Variants in HIP1 observed in about 807,000 individuals in gnomAD.
HIP1 encodes huntingtin interacting protein 1.
HIP1 carries 65 observed loss-of-function variants against 147.6 expected under a neutral mutation model. That is an observed-to-expected ratio of 0.44 (90% confidence interval 0.36 to 0.54). The LOEUF (loss-of-function observed/expected upper bound fraction) is 0.54, where lower values mean the gene tolerates loss of function less well. HIP1 is among the 20% of genes least tolerant of loss of function. The pLI is 0.00. For missense variants in HIP1, 1,061 were observed against 1,299.6 expected, an observed-to-expected ratio of 0.82 and a Z score of 2.82; for synonymous variants, 479 against 504.0, an observed-to-expected ratio of 0.95 and a Z score of 0.67.
chr7:75,574,341 C>G (rs1554497268), intron 7 of HIP1, among the ~76,000 whole-genome samples: 2 of 151,806 alleles, frequency 1.3e-5, no homozygotes, highest in Non-Finnish European at 1.5e-5. Context: ...GTAATCCCAG[C>G]ACTTTAGGAG....
At chr7:75,600,713 G>A (rs1156313222) in intron 1 of HIP1, among the ~76,000 whole-genome samples, 2 of 151,804 alleles carry the variant, frequency 1.3e-5, no homozygotes, top group Non-Finnish European at 2.9e-5. Context: ...TGTATCTCCC[G>A]GAAAATTCTG....
intron 25 of HIP1, 60 bp downstream of exon 25, chr7:75,546,879 G>T: frequency 2.5e-6 from 3 of 1,178,966 alleles, no homozygotes; most frequent in Non-Finnish European, 2.5e-6. Context: ...AGAGTCCGTT[G>T]GAGCGGGAGT....
At chr7:75,610,536 A>G (rs1797395902) in intron 1 of HIP1, among the ~76,000 whole-genome samples, 1 of 150,420 alleles carries the variant, frequency 6.6e-6, no homozygotes, top group Non-Finnish European at 1.5e-5. Flanking sequence ...TTGAATTCCT[A>G]TTTCTCTTAA....
At chr7:75,622,298 G>A (rs797038547) in intron 1 of HIP1, among the ~76,000 whole-genome samples, 3 of 151,920 alleles carry the variant, frequency 2.0e-5, no homozygotes, top group African/African-American at 7.2e-5. Context: ...GAACAGGTCT[G>A]AGCTACATTT....
intron 1 of HIP1, among the ~76,000 whole-genome samples, chr7:75,623,910 A>G (rs1554507597): frequency 6.6e-6 from 1 of 152,176 alleles, no homozygotes; most frequent in African/African-American, 2.4e-5. Flanking sequence ...ACAAAACATC[A>G]GAAAATTAGG....
chr7:75,684,923 C>T (rs1433127166), intron 1 of HIP1, among the ~76,000 whole-genome samples: 1 of 151,928 alleles, frequency 6.6e-6, no homozygotes, highest in Non-Finnish European at 1.5e-5. Flanking sequence ...AACCCCGTCT[C>T]TACTAAAAAT....
At chr7:75,573,021 A>G (rs1470419139) in intron 8 of HIP1, among the ~76,000 whole-genome samples, 4 of 152,192 alleles carry the variant, frequency 2.6e-5, no homozygotes, top group African/African-American at 9.6e-5. Flanking sequence ...CGGGAGGCAG[A>G]CAGATTCCTG....
intron 1 of HIP1, among the ~76,000 whole-genome samples, chr7:75,605,487 A>C (rs374540532): frequency 6.6e-6 from 1 of 152,118 alleles, no homozygotes; most frequent in African/African-American, 2.4e-5. Flanking sequence ...GCTGGGGTAG[A>C]GCTGGATGGA....
intron 1 of HIP1, among the ~76,000 whole-genome samples, chr7:75,681,456 G>C (rs546921508): frequency 6.8e-6 from 1 of 146,802 alleles, no homozygotes; most frequent in African/African-American, 2.5e-5. Context: ...CTAGACCAGG[G>C]TGTTTCTTCC....
intron 7 of HIP1, among the ~76,000 whole-genome samples, chr7:75,576,793 T>C (rs1795861243): frequency 6.6e-6 from 1 of 152,216 alleles, no homozygotes; most frequent in African/African-American, 2.4e-5. Context: ...GCTCAGTGGT[T>C]GTCAAGTTTT....
chr7:75,674,526 T>C (rs1394044995), intron 1 of HIP1, among the ~76,000 whole-genome samples: 1 of 138,520 alleles, frequency 7.2e-6, no homozygotes, highest in Non-Finnish European at 1.5e-5. Context: ...AGAGTCTCAC[T>C]CTGTCGCCTA....
At chr7:75,581,912 GCAC>G (rs1419481587) in intron 6 of HIP1, among the ~76,000 whole-genome samples, 160 bp downstream of exon 6, 1 of 152,154 alleles carries the variant, frequency 6.6e-6, no homozygotes, top group Admixed American at 6.6e-5. Flanking sequence ...TCTGGATGAG[GCAC>G]CACCAATAAA....
chr7:75,664,489 T>C (rs891704520), intron 1 of HIP1, among the ~76,000 whole-genome samples: 9 of 106,662 alleles, frequency 8.4e-5, no homozygotes, highest in Non-Finnish European at 1.7e-4. Context: ...CACACATATA[T>C]ACACATACAT....
chr7:75,568,062 C>T lies in HIP1; in HGVS notation c.803+137G>A, dbSNP rs1795474281. ...AACTCTTGGCCTCAAGTGATCCTCC[C>T]GCCTCAGCCTCCCAAAGAGTTGGGG... is the stretch of plus-strand genomic sequence containing the variant. On this transcript the variant is annotated intron_variant, in intron 9 of 30. Transcript: ENST00000336926. The surrounding 1 kb of genome is among the most constrained non-coding windows in gnomAD (Gnocchi z 4.1). 6 of 682,638 alleles carry T rather than the reference C, an allele frequency of 8.8e-6. No homozygotes were observed. The highest frequency in any genetic ancestry group is 4.3e-5 in the Admixed American group (2 of 46,866). The allele number at this position is 682,638 out of a possible 1,614,324, so 42.3% of individuals were successfully genotyped here.
At chr7:75,683,431 C>T (rs1800160054) in intron 1 of HIP1, among the ~76,000 whole-genome samples, 1 of 103,136 alleles carries the variant, frequency 9.7e-6, no homozygotes, top group African/African-American at 4.2e-5. Context: ...AAGGCATTTA[C>T]TCGGACTCGT....
chr7:75,554,028 A>T, intron 21 of HIP1, 85 bp downstream of exon 21: 1 of 960,272 alleles, frequency 1.0e-6, no homozygotes, highest in Non-Finnish European at 1.6e-6. Context: ...TACAGGCATG[A>T]GCCACTGCGC....
chr7:75,571,428 C>G (rs1451198935), intron 8 of HIP1, among the ~76,000 whole-genome samples: 2 of 152,164 alleles, frequency 1.3e-5, no homozygotes, highest in Admixed American at 6.6e-5. Flanking sequence ...CCCTTCTAAT[C>G]CCTGGGCAGC....
At chr7:75,729,468 C>T (rs1468109994) in intron 1 of HIP1, among the ~76,000 whole-genome samples, 3 of 151,698 alleles carry the variant, frequency 2.0e-5, no homozygotes, top group Admixed American at 6.6e-5. Flanking sequence ...GCCTGGGCAA[C>T]ACAGCAAGAC....
intron 1 of HIP1, among the ~76,000 whole-genome samples, chr7:75,632,185 CTCTT>C (rs1194043933): frequency 1.3e-5 from 2 of 152,172 alleles, no homozygotes; most frequent in Non-Finnish European, 2.9e-5. Flanking sequence ...AAGGAAATCT[CTCTT>C]TCAACTCTGT....
Sources: allele counts gnomAD v4.1 joint callset (sites outside exome capture counted in the v4.1 genomes callset), GRCh38; gene constraint gnomAD v4.1.1; non-coding constraint Gnocchi (gnomAD v3.1); transcripts MANE v1.5; gene names NCBI Gene and HGNC (gene_info 2026-07-23, HGNC 2026-07-21).